Variants in SLC17A1 observed in about 807,000 individuals in gnomAD.
The protein encoded by SLC17A1 is solute carrier family 17 member 1.
SLC17A1 carries 51 observed loss-of-function variants against 53.5 expected under a neutral mutation model. The observed-to-expected ratio is 0.95, with a 90% CI of 0.76 to 1.20. SLC17A1 has a LOEUF of 1.20. Ranked by LOEUF, SLC17A1 falls within the 50% of genes most tolerant of loss-of-function variation. The pLI is 0.00. For missense variants in SLC17A1, 538 were observed against 568.2 expected (o/e 0.95, Z 0.54); for synonymous variants, 179 against 198.8 (o/e 0.90, Z 0.84).
intron 3 of SLC17A1, among the ~76,000 whole-genome samples, chr6:25,825,829 A>T (rs1034863312): frequency 6.6e-6 from 1 of 152,030 alleles, no homozygotes; most frequent in African/African-American, 2.4e-5. Context: ...TTAATTTTTT[A>T]AAATTCTCTT....
chr6:25,750,772 T>A, the SLC17A1 span, among the ~76,000 whole-genome samples: 1 of 151,326 alleles, frequency 6.6e-6, no homozygotes, highest in Non-Finnish European at 1.5e-5. Context: ...AAGGGTTATG[T>A]CACTTGTGTG....
At chr6:25,771,410 C>G in the SLC17A1 span, among the ~76,000 whole-genome samples, 1 of 151,860 alleles carries the variant, frequency 6.6e-6, no homozygotes, top group Non-Finnish European at 1.5e-5. Flanking sequence ...CCCGTCTCTA[C>G]TAAAATTATA....
chr6:25,727,424 C>T, the SLC17A1 span: 9,892 of 730,682 alleles, frequency 0.014, 312 homozygotes, highest in African/African-American at 0.093. Context: ...GAGGCGGAGT[C>T]TCACTCTCCC....
the SLC17A1 span, among the ~76,000 whole-genome samples, chr6:25,751,654 G>T: frequency 6.6e-6 from 1 of 152,198 alleles, no homozygotes; most frequent in Non-Finnish European, 1.5e-5. Context: ...GTCATGAATT[G>T]TGAACAGCAC....
Position 25,826,457 on chromosome 6 carries a change from G to T in SLC17A1, c.207+4C>A. The stretch of plus-strand genomic sequence containing the variant: ...TTTGACTGTGGGGAAAATTATTGAT[G>T]TACCTTTATATTATCCAGGAGCTTC... On this transcript the variant is annotated splice_donor_region_variant and intron_variant, in intron 3 of 12. Coordinates refer to ENST00000244527, the MANE Select transcript of SLC17A1 (RefSeq NM_005074.5). 1 of 1,586,586 alleles carries T rather than the reference G, an allele frequency of 6.3e-7. No individual in the cohort carries two copies. The highest frequency in any genetic ancestry group is 8.6e-7 in the Non-Finnish European group (1 of 1,167,798).
At chr6:25,819,429 C>CA (rs1764470296) in intron 5 of SLC17A1, 82 bp downstream of exon 5, 1 of 1,161,604 alleles carries the variant, frequency 8.6e-7, no homozygotes, top group Non-Finnish European at 1.3e-6. Context: ...ATTCAAAACA[C>CA]ACATTTCTTA....
At chr6:25,777,692 G>C in the SLC17A1 span, 1 of 413,968 alleles carries the variant, frequency 2.4e-6, no homozygotes. Context: ...TACCCCCTTG[G>C]GAGTACCAGT....
chr6:25,746,997 T>C, the SLC17A1 span, among the ~76,000 whole-genome samples: 12 of 152,322 alleles, frequency 7.9e-5, no homozygotes, highest in East Asian at 5.8e-4. Flanking sequence ...ACAACTCTTA[T>C]AAGTTCACAG....
chr6:25,822,248 T>C (rs1034973612), intron 3 of SLC17A1, among the ~76,000 whole-genome samples: 2 of 152,164 alleles, frequency 1.3e-5, no homozygotes, highest in African/African-American at 4.8e-5. Context: ...TTCTAAAATG[T>C]TTGTTTTGAC....
At chr6:25,726,533 C>G in the SLC17A1 span, 1 of 1,602,298 alleles carries the variant, frequency 6.2e-7, no homozygotes. Context: ...GACATCTCCT[C>G]GCATCAAATT....
chr6:25,759,815 T>C, the SLC17A1 span, among the ~76,000 whole-genome samples: 5 of 152,262 alleles, frequency 3.3e-5, no homozygotes, highest in African/African-American at 9.6e-5. Context: ...GTTGTTTACC[T>C]GTCTTTTAAA....
At chr6:25,728,938 G>A in the SLC17A1 span, among the ~76,000 whole-genome samples, 35 of 152,366 alleles carry the variant, frequency 2.3e-4, no homozygotes, top group Middle Eastern at 3.4e-3. Context: ...AAATCTTCCA[G>A]GGAGGTGACA....
At chr6:25,796,651 T>C (rs1162711824) in intron 12 of SLC17A1, among the ~76,000 whole-genome samples, 1 of 152,202 alleles carries the variant, frequency 6.6e-6, no homozygotes, top group Non-Finnish European at 1.5e-5. Flanking sequence ...TTTCTTCCAA[T>C]AAATTTGTTA....
chr6:25,761,371 A>G, the SLC17A1 span, among the ~76,000 whole-genome samples: 5 of 152,126 alleles, frequency 3.3e-5, no homozygotes, highest in Non-Finnish European at 7.4e-5. Flanking sequence ...TCATCCCCAC[A>G]GGCACTTAGA....
the SLC17A1 span, among the ~76,000 whole-genome samples, chr6:25,759,994 G>T: frequency 3.7e-4 from 56 of 152,196 alleles, no homozygotes; most frequent in East Asian, 0.01. Flanking sequence ...ATTCTGTGTG[G>T]CTGTGCTTAT....
the SLC17A1 span, among the ~76,000 whole-genome samples, chr6:25,751,354 A>G: frequency 1.3e-5 from 2 of 152,216 alleles, no homozygotes; most frequent in Admixed American, 1.3e-4. Flanking sequence ...TGAAGCTTGG[A>G]CAGTGATAGC....
the SLC17A1 span, chr6:25,768,440 G>A: frequency 1.0e-6 from 1 of 963,378 alleles, no homozygotes; most frequent in Non-Finnish European, 1.2e-6. Flanking sequence ...TTTTGTGTAA[G>A]CATAGATTAT....
intron 6 of SLC17A1, among the ~76,000 whole-genome samples, chr6:25,814,845 GC>G (rs1217999148): frequency 6.6e-6 from 1 of 152,012 alleles, no homozygotes; most frequent in Non-Finnish European, 1.5e-5. Context: ...AATTAGCCGG[GC>G]GTAGCTATGT....
At chr6:25,831,956 T>G (rs555048384) in intron 1 of SLC17A1, 38 bp downstream of exon 1, 1 of 152,310 alleles carries the variant, frequency 6.6e-6, no homozygotes, top group African/African-American at 2.4e-5. Flanking sequence ...GGGAATCAAC[T>G]GATTGCTCAT....
Sources: allele counts gnomAD v4.1 joint callset (sites outside exome capture counted in the v4.1 genomes callset), GRCh38; gene constraint gnomAD v4.1.1; transcripts MANE v1.5; gene names NCBI Gene and HGNC (gene_info 2026-07-23, HGNC 2026-07-21).